The following KIAA1217 variants were observed in gnomAD, a reference collection of about 807,000 sequenced individuals.
KIAA1217 encodes sickle tail protein homolog.
KIAA1217 carries 88 observed loss-of-function variants against 163.9 expected under a neutral mutation model. That is an observed-to-expected ratio of 0.54 (90% CI 0.45 to 0.64). KIAA1217 has a LOEUF of 0.64. Ranked by LOEUF, KIAA1217 falls within the 30% of genes least tolerant of loss-of-function variation. KIAA1217 has a pLI of 0.00. For missense variants in KIAA1217, 2,372 were observed against 2,475.0 expected (o/e 0.96, Z 0.88); for synonymous variants, 903 against 923.1 (o/e 0.98, Z 0.39).
rs141548308 is a variant in KIAA1217 at position 23,899,928 on chromosome 10, C to T, written c.-320-107297C>T. Among the ~76,000 whole-genome samples the T allele has an allele frequency of 8.6e-4, 130 of 150,878 alleles. 1 individual carries two copies. Among genetic ancestry groups the T allele is most frequent in the African/African-American group, 2.9e-3 (121 of 41,136 alleles). On this transcript the variant is annotated intron_variant, in intron 1 of 18. Coordinates refer to the KIAA1217 transcript ENST00000376462. ...TTTCTTTCCCTCTTTCTTTTCTTTC[C>T]TTCTTCCCTCCCTTCCTCTCTCTCT...
intron 2 of KIAA1217, among the ~76,000 whole-genome samples, chr10:24,079,240 G>A (rs2131648352): frequency 6.6e-6 from 1 of 152,340 alleles, no homozygotes; most frequent in Non-Finnish European, 1.5e-5. Context: ...CTGAAATAGA[G>A]AGAAGCAGAG....
intron 1 of KIAA1217, among the ~76,000 whole-genome samples, chr10:23,843,428 A>T (rs1015660995): frequency 2.6e-5 from 4 of 152,144 alleles, no homozygotes; most frequent in Non-Finnish European, 4.4e-5. Context: ...TGACTTAAAA[A>T]TCAATCCCTG....
chr10:24,402,204 T>C (rs1016252302), intron 3 of KIAA1217, among the ~76,000 whole-genome samples: 13 of 152,074 alleles, frequency 8.5e-5, no homozygotes, highest in African/African-American at 3.1e-4. Context: ...TTCTAAAATT[T>C]ATATAAAAAG....
intron 5 of KIAA1217, among the ~76,000 whole-genome samples, chr10:24,450,702 A>G (rs1015202585): frequency 2.0e-5 from 3 of 152,238 alleles, no homozygotes; most frequent in Admixed American, 1.3e-4. Flanking sequence ...TTTAGTCATC[A>G]TGATAACCCT....
chr10:24,134,742 C>CT (rs1429303488), intron 2 of KIAA1217, among the ~76,000 whole-genome samples: 1 of 152,008 alleles, frequency 6.6e-6, no homozygotes, highest in African/African-American at 2.4e-5. Flanking sequence ...CCTAGCTAAT[C>CT]TTTTTTATAT....
chr10:23,892,733 G>C (rs528064560), intron 1 of KIAA1217, among the ~76,000 whole-genome samples: 1 of 151,922 alleles, frequency 6.6e-6, no homozygotes, highest in African/African-American at 2.4e-5. Flanking sequence ...AAATTTGAGA[G>C]GGTAATTTGT....
At chr10:24,286,379 T>G (rs903923539) in intron 2 of KIAA1217, among the ~76,000 whole-genome samples, 1 of 152,076 alleles carries the variant, frequency 6.6e-6, no homozygotes, top group Non-Finnish European at 1.5e-5. Flanking sequence ...AGTTTACCCT[T>G]CCTCATTAAT....
intron 2 of KIAA1217, among the ~76,000 whole-genome samples, chr10:24,331,673 AGC>A (rs776120496): frequency 6.6e-6 from 1 of 152,274 alleles, no homozygotes; most frequent in Non-Finnish European, 1.5e-5. Context: ...AGCAGCTTCA[AGC>A]CAGGAAAGCT....
chr10:24,215,942 A>G (rs1217203825), intron 1 of KIAA1217, among the ~76,000 whole-genome samples: 1 of 152,242 alleles, frequency 6.6e-6, no homozygotes, highest in Non-Finnish European at 1.5e-5. Flanking sequence ...ATGTTTGCCA[A>G]GTGGCTGCAT....
At chr10:24,421,502 TTA>T (rs2058731731) in intron 3 of KIAA1217, among the ~76,000 whole-genome samples, 1 of 152,188 alleles carries the variant, frequency 6.6e-6, no homozygotes. Flanking sequence ...CATATTGCCT[TTA>T]TTTCTTTTTC....
At chr10:24,401,883 C>G (rs1177582957) in intron 3 of KIAA1217, among the ~76,000 whole-genome samples, 1 of 152,132 alleles carries the variant, frequency 6.6e-6, no homozygotes, top group East Asian at 1.9e-4. Flanking sequence ...CATACAAAAT[C>G]TATTGCATTT....
At chr10:23,870,557 T>G (rs1032653936) in intron 1 of KIAA1217, among the ~76,000 whole-genome samples, 2 of 152,108 alleles carry the variant, frequency 1.3e-5, no homozygotes, top group African/African-American at 4.8e-5. Context: ...AGCCCATCTC[T>G]GGCCAGGGCT....
chr10:23,969,122 C>T (rs1416714643), intron 1 of KIAA1217, among the ~76,000 whole-genome samples: 1 of 152,144 alleles, frequency 6.6e-6, no homozygotes, highest in Admixed American at 6.5e-5. Context: ...GCAACCTCTG[C>T]CTCCCAGGTT....
intron 1 of KIAA1217, among the ~76,000 whole-genome samples, chr10:23,790,382 TA>T (rs1401696111): frequency 2.2e-5 from 2 of 92,776 alleles, no homozygotes. Flanking sequence ...CATATGTATA[TA>T]TACATATGTA....
At chr10:24,310,464 G>C (rs1448628068) in intron 2 of KIAA1217, among the ~76,000 whole-genome samples, 1 of 152,160 alleles carries the variant, frequency 6.6e-6, no homozygotes, top group Non-Finnish European at 1.5e-5. Flanking sequence ...GAGCCACCTG[G>C]GGTAGAACCC....
chr10:23,818,117 A>ATG (rs1837431267), intron 1 of KIAA1217, among the ~76,000 whole-genome samples: 1 of 142,106 alleles, frequency 7.0e-6, no homozygotes, highest in Admixed American at 7.2e-5. Flanking sequence ...ACACATATAT[A>ATG]TATATACTCA....
At chr10:24,317,096 A>C (rs2133197188) in intron 2 of KIAA1217, among the ~76,000 whole-genome samples, 1 of 152,256 alleles carries the variant, frequency 6.6e-6, no homozygotes, top group South Asian at 2.1e-4. Flanking sequence ...TCTTATACCA[A>C]AAATACTGCA....
At chr10:24,281,338 G>A (rs1293556000) in intron 2 of KIAA1217, among the ~76,000 whole-genome samples, 2 of 152,134 alleles carry the variant, frequency 1.3e-5, no homozygotes, top group African/African-American at 4.8e-5. Flanking sequence ...TACAAGATCA[G>A]AATTGTTAAC....
In KIAA1217 at chr10:24,219,645, G is replaced by A. The variant is rs1311630241; in HGVS notation, c.90G>A (p.Leu30=). ...RQMQEQGKGN[L]HVTSPEDAEC... Reference sequence around the variant, plus strand: ...TTTCAGAACAAGGCAAAGGCAATCTGCATGTAACATCACCAGAAGATGCAG... The same window carrying A: ...TTTCAGAACAAGGCAAAGGCAATCTACATGTAACATCACCAGAAGATGCAG... The change falls in exon 2 of 21, where the codon CTG becomes CTA. Residue 30 remains leucine (L), a synonymous_variant. Coordinates refer to ENST00000376454, the MANE Select transcript of KIAA1217 (RefSeq NM_019590.5). The A allele has an allele frequency of 2.5e-6, 4 of 1,606,782 alleles. No homozygotes were observed. The highest frequency in any genetic ancestry group is 3.4e-6 in the Non-Finnish European group (4 of 1,176,040).
Sources: allele counts gnomAD v4.1 joint callset (sites outside exome capture counted in the v4.1 genomes callset), GRCh38; gene constraint gnomAD v4.1.1; transcripts MANE v1.5; gene names NCBI Gene and HGNC (gene_info 2026-07-23, HGNC 2026-07-21).